The following DMD variants were observed in gnomAD, a reference collection of about 807,000 sequenced individuals.
DMD encodes dystrophin.
In DMD, 63 loss-of-function variants were observed where a neutral mutation model predicts 330.1. The observed-to-expected ratio is 0.19, with a 90% confidence interval of 0.16 to 0.24. The LOEUF (loss-of-function observed/expected upper bound fraction) is 0.24, where lower values mean the gene tolerates loss of function less well. Among genes scored for constraint, DMD ranks in the 10% least tolerant of loss-of-function variants. The probability of loss-of-function intolerance (pLI) is 1.00; values close to 1 mark genes in which losing one functional copy is unlikely to be tolerated. For synonymous variants in DMD, 1,223 were observed against 959.8 expected (o/e 1.27, Z -5.07); for missense variants, 3,344 against 2,684.1 (o/e 1.25, Z -5.43).
At chrX:32,217,904 T>C (rs772441018) in intron 43 of DMD, among the ~76,000 whole-genome samples, 1 of 112,273 alleles carries the variant, frequency 8.9e-6, no homozygotes, top group East Asian at 2.8e-4. Flanking sequence ...TAGGCTCACA[T>C]GTAAGCATTA....
chrX:32,450,506 A>G (rs1234067638), intron 26 of DMD, among the ~76,000 whole-genome samples: 1 of 110,786 alleles, frequency 9.0e-6, no homozygotes, highest in African/African-American at 3.3e-5. Flanking sequence ...AACAAGTTTG[A>G]TTACCATTCA....
In DMD at chrX:33,085,459, A is replaced by G. The variant is rs774496124; in HGVS notation, c.32-65259T>C. ...CTTCAGCCACTGTTCTCTATAAAAT[A>G]TGGTGTCTTCTAGATGGGAACAAGA... On this transcript the variant is annotated intron_variant, in intron 1 of 78. Transcript: ENST00000357033. Among the ~76,000 whole-genome samples, 3 of 111,886 alleles carry G rather than the reference A, an allele frequency of 2.7e-5. No homozygotes were observed. The South Asian group carries it at 1.1e-3, about 41-fold the overall frequency.
At chrX:31,626,077 T>G (rs2078824824) in intron 55 of DMD, among the ~76,000 whole-genome samples, 1 of 110,914 alleles carries the variant, frequency 9.0e-6, no homozygotes, top group South Asian at 3.8e-4. Flanking sequence ...CTCTGCCTCC[T>G]GGGTTCAAGC....
At chrX:32,320,131 G>A (rs1277973530) in intron 41 of DMD, among the ~76,000 whole-genome samples, 2 of 110,874 alleles carry the variant, frequency 1.8e-5, no homozygotes, top group African/African-American at 6.5e-5. Flanking sequence ...TTTAACTTCT[G>A]TTGCCTTGTG....
chrX:32,674,204 G>A (rs2147236626), intron 9 of DMD, among the ~76,000 whole-genome samples: 1 of 111,553 alleles, frequency 9.0e-6, no homozygotes, highest in South Asian at 3.7e-4. Context: ...TTTTAATCAG[G>A]ATGTGCCCTT....
chrX:31,250,893 C>T (rs948788901), intron 63 of DMD, among the ~76,000 whole-genome samples: 8 of 110,652 alleles, frequency 7.2e-5, no homozygotes, highest in African/African-American at 2.6e-4. Context: ...ACCATCCTAG[C>T]CAACATGGTG....
chrX:31,430,903 T>C (rs772055066), intron 60 of DMD, among the ~76,000 whole-genome samples: 2 of 100,363 alleles, frequency 2.0e-5, no homozygotes, highest in East Asian at 3.5e-4. Context: ...CCCAGGTTCA[T>C]GCCATTCTCC....
intron 62 of DMD, among the ~76,000 whole-genome samples, chrX:31,310,319 C>A (rs1377326539): frequency 9.2e-6 from 1 of 108,406 alleles, no homozygotes; most frequent in African/African-American, 3.4e-5. Context: ...AAAGATATTT[C>A]CACCTTGAAC....
At chrX:32,129,978 CTTTTT>C (rs756669672) in intron 44 of DMD, among the ~76,000 whole-genome samples, 2 of 89,572 alleles carry the variant, frequency 2.2e-5, no homozygotes, top group African/African-American at 4.0e-5. Flanking sequence ...TTTTCAAAGA[CTTTTT>C]TTTTTTTTTT....
intron 1 of DMD, among the ~76,000 whole-genome samples, chrX:33,252,447 GCTTT>G (rs1161397864): frequency 9.0e-6 from 1 of 111,158 alleles, no homozygotes; most frequent in Non-Finnish European, 1.9e-5. Context: ...TCTCCACAGG[GCTTT>G]CTTTGTTCCT....
chrX:33,338,149 C>T (rs2054281918), intron 1 of DMD, among the ~76,000 whole-genome samples: 1 of 111,435 alleles, frequency 9.0e-6, no homozygotes, highest in Admixed American at 9.6e-5. Context: ...TTGCTTGTTA[C>T]CCTAGTGGTG....
intron 44 of DMD, among the ~76,000 whole-genome samples, chrX:32,038,359 A>T (rs2178535): frequency 3.3e-4 from 37 of 111,698 alleles, no homozygotes; most frequent in Non-Finnish European, 6.8e-4. Flanking sequence ...ATACATTAGC[A>T]ATGATCTTGT....
chrX:33,046,915 A>G (rs751784728), intron 1 of DMD, among the ~76,000 whole-genome samples: 122 of 112,225 alleles, frequency 1.1e-3, no homozygotes, highest in African/African-American at 3.9e-3. Flanking sequence ...GTTAATCCAC[A>G]TTACATATGA....
At chrX:31,627,914 C>T (rs766557265) in intron 54 of DMD, 52 bp from the exon 55 acceptor site, 3 of 1,093,750 alleles carry the variant, frequency 2.7e-6, no homozygotes, top group Middle Eastern at 2.5e-4. Flanking sequence ...GAATGGTGCA[C>T]CTAGTGAACT....
intron 44 of DMD, among the ~76,000 whole-genome samples, chrX:31,968,826 C>T (rs936624132): frequency 9.0e-6 from 1 of 111,434 alleles, no homozygotes; most frequent in African/African-American, 3.3e-5. Flanking sequence ...AGAGCAAATT[C>T]GATTTCTTGT....
At chrX:32,769,586 A>C (rs2073381251) in intron 7 of DMD, among the ~76,000 whole-genome samples, 2 of 111,614 alleles carry the variant, frequency 1.8e-5, no homozygotes. Context: ...AAGGTTGTTT[A>C]GCTAATTCAG....
At chrX:31,496,697 A>G (rs2069888165) in intron 57 of DMD, 91 bp downstream of exon 57, 1 of 1,061,312 alleles carries the variant, frequency 9.4e-7, no homozygotes, top group Admixed American at 2.4e-5. Flanking sequence ...ATTTCTATTC[A>G]ACTTAATTTC....
intron 44 of DMD, among the ~76,000 whole-genome samples, chrX:32,030,284 G>A: frequency 8.9e-6 from 1 of 111,866 alleles, no homozygotes; most frequent in Admixed American, 9.5e-5. Context: ...CAAAGCATGA[G>A]CAAGACTTAT....
intron 16 of DMD, among the ~76,000 whole-genome samples, chrX:32,546,897 C>A (rs2049020793): frequency 9.0e-6 from 1 of 111,447 alleles, no homozygotes; most frequent in African/African-American, 3.2e-5. Flanking sequence ...CACAAAATGA[C>A]CATTACGTGA....
Sources: gnomAD v4.1 joint callset for allele counts (sites outside exome capture counted in the v4.1 genomes callset) on GRCh38, gnomAD v4.1.1 for gene constraint, MANE v1.5 for transcripts, NCBI Gene and HGNC (gene_info 2026-07-23, HGNC 2026-07-21) for gene names.